The following UGP2 variants were observed in gnomAD, a reference collection of about 807,000 sequenced individuals.
UGP2 encodes UDP-glucose pyrophosphorylase 2.
Under a neutral mutation model 49.0 loss-of-function variants are expected in UGP2, and 40 were observed. The observed-to-expected ratio is 0.82, with a 90% confidence interval of 0.63 to 1.06. The LOEUF is 1.06. UGP2 is among the 50% of genes least tolerant of loss of function. UGP2 has a pLI of 0.00. For synonymous variants in UGP2, 225 were observed against 213.0 expected, an observed-to-expected ratio of 1.06 and a Z score of -0.49; for missense variants, 460 against 603.5, an observed-to-expected ratio of 0.76 and a Z score of 2.49.
intron 1 of UGP2, chr2:63,855,521 T>TTTTTTTTTTTTTTTTTTTG: frequency 5.0e-5 from 1 of 19,894 alleles, no homozygotes. Context: ...TCTTTTTCTG[T>TTTTTTTTTTTTTTTTTTTG]TTTTTTTTTT....
chr2:63,870,219 C>T (rs1389602309), intron 3 of UGP2, among the ~76,000 whole-genome samples: 1 of 151,972 alleles, frequency 6.6e-6, no homozygotes, highest in Admixed American at 6.5e-5. Flanking sequence ...ACCGTGCCCG[C>T]CCCTAAAATT....
chr2:63,869,574 C>T (rs758907569), intron 3 of UGP2, among the ~76,000 whole-genome samples: 1 of 152,128 alleles, frequency 6.6e-6, no homozygotes, highest in African/African-American at 2.4e-5. Flanking sequence ...GAGAGGACAG[C>T]GCAAAATTTA....
At chr2:63,890,027 GTCTT>G (rs1671979938) in intron 8 of UGP2, 50 bp from the exon 9 acceptor site, 7 of 1,344,020 alleles carry the variant, frequency 5.2e-6, no homozygotes, top group African/African-American at 3.0e-5. Flanking sequence ...TATTTTTCCT[GTCTT>G]TCTTTGAACC....
chr2:63,850,744 T>G (rs539124819), intron 1 of UGP2, among the ~76,000 whole-genome samples: 1 of 152,156 alleles, frequency 6.6e-6, no homozygotes, highest in Non-Finnish European at 1.5e-5. Context: ...CAGATACTTA[T>G]GACAGTCTAT....
At chr2:63,865,095 C>T (rs772816634) in intron 3 of UGP2, among the ~76,000 whole-genome samples, 4 of 152,190 alleles carry the variant, frequency 2.6e-5, no homozygotes, top group African/African-American at 7.2e-5. Flanking sequence ...GTGAGGCTGT[C>T]GAAGTCTCCT....
intron 3 of UGP2, among the ~76,000 whole-genome samples, chr2:63,875,303 T>G (rs1670839647): frequency 6.6e-6 from 1 of 152,200 alleles, no homozygotes; most frequent in African/African-American, 2.4e-5. Context: ...GAAAAAAAAT[T>G]CTTTCAGATT....
chr2:63,891,497 A>C lies in UGP2; in HGVS notation c.*270A>C. On this transcript the variant is annotated 3_prime_UTR_variant, in exon 10 of 10. Transcript: ENST00000337130. ...CTGGGCAACTTTGGAAGAACTTTTA[A>C]CAGAAGCCTCAATGATGATCACTTT... 7.6e-6 allele frequency: 2 copies of C among 263,370 alleles called. No individual in the cohort carries two copies. Among genetic ancestry groups the C allele is most frequent in the South Asian group, 9.4e-5 (1 of 10,618 alleles). 16.3% of individuals were successfully genotyped at this position (263,370 alleles called of 1,614,324 possible).
At chr2:63,879,362 A>T (rs1671140060) in intron 3 of UGP2, among the ~76,000 whole-genome samples, 1 of 152,208 alleles carries the variant, frequency 6.6e-6, no homozygotes, top group Non-Finnish European at 1.5e-5. Context: ...TTATTGTAGC[A>T]TTTTTACTTT....
chr2:63,851,978 A>T (rs1383826810), intron 1 of UGP2, among the ~76,000 whole-genome samples: 1 of 152,144 alleles, frequency 6.6e-6, no homozygotes, highest in Non-Finnish European at 1.5e-5. Flanking sequence ...ATCTTTTCTC[A>T]TGTATGTCTT....
intron 8 of UGP2, 191 bp downstream of exon 8, chr2:63,887,835 C>T: frequency 1.3e-6 from 1 of 749,366 alleles, no homozygotes. Flanking sequence ...AACATGATTG[C>T]CATATGGAGA....
intron 2 of UGP2, 26 bp downstream of exon 2, chr2:63,856,459 C>T (rs773749478): frequency 7.9e-6 from 11 of 1,385,294 alleles, no homozygotes; most frequent in Admixed American, 1.9e-5. Flanking sequence ...CAGTGTTCCA[C>T]CCCCCCGCCC....
intron 1 of UGP2, chr2:63,855,401 T>A: frequency 2.1e-6 from 1 of 484,424 alleles, no homozygotes; most frequent in East Asian, 5.9e-5. Flanking sequence ...GGACAAATAA[T>A]CCAGTTGTCC....
intron 3 of UGP2, among the ~76,000 whole-genome samples, chr2:63,866,624 A>G (rs896438546): frequency 1.3e-5 from 2 of 152,210 alleles, no homozygotes; most frequent in African/African-American, 4.8e-5. Context: ...AGAATGTGGT[A>G]TGCAAAGGCC....
In UGP2 at chr2:63,872,407, C is replaced by T. The variant is rs550761311; in HGVS notation, c.256-10059C>T. Among the ~76,000 whole-genome samples, 30 of 152,280 alleles carry T rather than the reference C, an allele frequency of 2.0e-4. No homozygotes were observed. The South Asian group carries it at 5.8e-3, about 29-fold the overall frequency. ...TGAATCAGTGAAGTAGTAATAATATCAGCCAACATTTGAATATTTACTGTG... is the reference window on the plus strand; with the variant it reads ...TGAATCAGTGAAGTAGTAATAATATTAGCCAACATTTGAATATTTACTGTG... On this transcript the variant is annotated intron_variant, in intron 3 of 9. Coordinates refer to ENST00000337130, the MANE Select transcript of UGP2 (RefSeq NM_006759.4).
intron 7 of UGP2, among the ~76,000 whole-genome samples, chr2:63,886,777 A>G (rs1222408179): frequency 2.6e-5 from 4 of 152,326 alleles, no homozygotes; most frequent in Admixed American, 1.3e-4. Context: ...ACTGGGCTTC[A>G]AAAGTAGAGA....
intron 3 of UGP2, among the ~76,000 whole-genome samples, chr2:63,867,237 G>T (rs1018651685): frequency 6.6e-6 from 1 of 152,082 alleles, no homozygotes; most frequent in African/African-American, 2.4e-5. Context: ...AATTCATTCT[G>T]CCTTCAGTGT....
chr2:63,866,131 A>C (rs1039253011), intron 3 of UGP2, among the ~76,000 whole-genome samples: 2 of 152,230 alleles, frequency 1.3e-5, no homozygotes, highest in African/African-American at 4.8e-5. Context: ...ATTCTTCTGC[A>C]TGCAGATTGT....
chr2:63,842,913 G>A (rs1671669710), intron 1 of UGP2, among the ~76,000 whole-genome samples: 1 of 152,186 alleles, frequency 6.6e-6, no homozygotes, highest in Admixed American at 6.5e-5. Flanking sequence ...ATGCATGTGT[G>A]TACGGTGTAC....
intron 5 of UGP2, among the ~76,000 whole-genome samples, chr2:63,884,834 A>G (rs1671548633): frequency 6.6e-6 from 1 of 151,972 alleles, no homozygotes; most frequent in Non-Finnish European, 1.5e-5. Context: ...ACTTGAGCCC[A>G]GGAGGTCGAG....
Sources: allele counts gnomAD v4.1 joint callset (sites outside exome capture counted in the v4.1 genomes callset), GRCh38; gene constraint gnomAD v4.1.1; transcripts MANE v1.5; gene names NCBI Gene and HGNC (gene_info 2026-07-23, HGNC 2026-07-21).